The following MGRN1 variants were observed in gnomAD, a reference collection of about 807,000 sequenced individuals.
The protein encoded by MGRN1 is E3 ubiquitin-protein ligase MGRN1.
A neutral mutation model predicts 69.2 loss-of-function variants in MGRN1; 29 were observed. That is an observed-to-expected ratio of 0.42 (90% CI 0.31 to 0.57). MGRN1 has a LOEUF of 0.57. Ranked by LOEUF, MGRN1 falls within the 20% of genes least tolerant of loss-of-function variation. The pLI, the probability that MGRN1 is intolerant of heterozygous loss-of-function variation, is 0.15. For synonymous variants in MGRN1, 470 were observed against 344.2 expected (o/e 1.37, Z -4.04); for missense variants, 998 against 796.2 (o/e 1.25, Z -3.05).
rs150424001 is a variant in MGRN1, at chr16:4,690,227, T to G, written c.*1319T>G. On this transcript the variant is annotated 3_prime_UTR_variant, in exon 17 of 17. Coordinates refer to ENST00000262370, the MANE Select transcript of MGRN1 (RefSeq NM_015246.4). ...GTTTTTTTTGTTTGTTTGTTTGTTT[T>G]TTTAAAGGTAAACCTCCTGGGCCGC... 1.7e-3 allele frequency: 255 copies of G among 152,370 alleles called. 3 individuals carry two copies. The highest frequency in any genetic ancestry group is 5.5e-3 in the African/African-American group (228 of 41,536). 9.4% of individuals were successfully genotyped at this position (152,370 alleles called of 1,614,324 possible).
intron 11 of MGRN1, 149 bp from the exon 12 acceptor site, chr16:4,679,883 T>G: frequency 1.3e-6 from 1 of 744,914 alleles, no homozygotes; most frequent in Non-Finnish European, 2.2e-6. Flanking sequence ...CAACCCTCAC[T>G]TAGGACAGTC....
In MGRN1 at chr16:4,673,734, G is replaced by C. The variant is rs1051850360; in HGVS notation, c.955+77G>C. 3 of 1,525,746 alleles carry C rather than the reference G, an allele frequency of 2.0e-6. No homozygotes were observed. In the African/African-American group the frequency reaches 4.1e-5, roughly 21 times the overall value. 94.5% of individuals were successfully genotyped at this position (1,525,746 alleles called of 1,614,324 possible). On this transcript the variant is annotated intron_variant, in intron 10 of 16. Transcript: ENST00000262370. ...GCCACACCACGGTGGTCCTGGGATA[G>C]GGGGCCACAGGTCCGTTGATGGCTA...
chr16:4,671,700 G>A (rs973626844), intron 9 of MGRN1, among the ~76,000 whole-genome samples: 5 of 152,192 alleles, frequency 3.3e-5, no homozygotes, highest in African/African-American at 1.2e-4. Flanking sequence ...GGGCAGCCCA[G>A]GAATGGGGGC....
At chr16:4,656,146 A>G (rs1250601145) in intron 4 of MGRN1, among the ~76,000 whole-genome samples, 1 of 152,198 alleles carries the variant, frequency 6.6e-6, no homozygotes, top group East Asian at 1.9e-4. Context: ...TGGATTGTGA[A>G]TTGGGTTCCT....
chr16:4,658,231 G>T (rs947445091), intron 5 of MGRN1, among the ~76,000 whole-genome samples: 2 of 151,794 alleles, frequency 1.3e-5, no homozygotes, highest in African/African-American at 4.8e-5. Flanking sequence ...GGGGGTTCCT[G>T]TGTAACAGTA....
At position 4,657,593 on chromosome 16, in the gene MGRN1, G is replaced by A. The variant is rs186594712; in HGVS notation, c.561+230G>A. Among the ~76,000 whole-genome samples the A allele has an allele frequency of 5.6e-3, 851 of 152,316 alleles. 3 individuals are homozygous for A. The highest frequency in any genetic ancestry group is 0.014 in the Middle Eastern group (4 of 294). On this transcript the variant is annotated intron_variant, in intron 5 of 16. Coordinates refer to ENST00000262370, the MANE Select transcript of MGRN1 (RefSeq NM_015246.4). ...AGAGGCCGACCAGGCAGCCGCACTC[G>A]GAGGCTCAGACACTGGGGTTTGGGG...
At chr16:4,666,714 G>A (rs1247004597) in intron 7 of MGRN1, among the ~76,000 whole-genome samples, 2 of 152,154 alleles carry the variant, frequency 1.3e-5, no homozygotes, top group African/African-American at 4.8e-5. Context: ...ACCTGCCTGC[G>A]GCACTCTGAC....
intron 7 of MGRN1, among the ~76,000 whole-genome samples, chr16:4,666,253 C>T (rs57085123): frequency 0.38 from 57,426 of 152,016 alleles, 12,564 homozygotes; most frequent in East Asian, 0.64. Context: ...TTCAGCCTCC[C>T]GAGTAGCTGG....
chr16:4,663,619 C>T (rs375427662), intron 5 of MGRN1, among the ~76,000 whole-genome samples: 14 of 152,288 alleles, frequency 9.2e-5, no homozygotes, highest in African/African-American at 3.4e-4. Context: ...GAGGCAGGGT[C>T]CCTGCCCTCT....
At chr16:4,683,796 G>A (rs1046559360) in intron 15 of MGRN1, 47 bp from the exon 16 acceptor site, 5 of 1,566,268 alleles carry the variant, frequency 3.2e-6, no homozygotes, top group Admixed American at 1.7e-5. Context: ...GACCTGCCGG[G>A]ACCTGGCCCC....
At chr16:4,657,571 G>A (rs1286727042) in intron 5 of MGRN1, among the ~76,000 whole-genome samples, 1 of 152,192 alleles carries the variant, frequency 6.6e-6, no homozygotes, top group Non-Finnish European at 1.5e-5. Flanking sequence ...GGGGACCAGA[G>A]GCCGACCAGG....
chr16:4,633,283 G>A (rs1898101363), intron 1 of MGRN1, among the ~76,000 whole-genome samples: 1 of 152,040 alleles, frequency 6.6e-6, no homozygotes, highest in South Asian at 2.1e-4. Context: ...CAGCTACTCA[G>A]GAGGCTGAGG....
chr16:4,673,552 G>T lies in MGRN1; in HGVS notation c.850G>T (p.Asp284Tyr). 2 of 1,613,742 alleles carry T rather than the reference G, an allele frequency of 1.2e-6. No individual in the cohort carries two copies. Among genetic ancestry groups the T allele is most frequent in the South Asian group, 1.1e-5 (1 of 91,078 alleles). Reference protein sequence around the residue: ...NSNECVVCLSDLRDTLILPCR... With the variant: ...NSNECVVCLSYLRDTLILPCR... ...CAACGAGTGTGTGGTGTGCCTGTCC[G>T]ACCTGCGGGACACGCTGATCCTGCC... Residue 284 changes from aspartate (D) to tyrosine (Y), a missense_variant, in exon 10 of 17, where the codon GAC becomes TAC. Transcript: ENST00000262370.
Position 4,655,574 on chromosome 16 carries a change from C to T in MGRN1, c.444-1672C>T, listed in dbSNP as rs184952932. Among the ~76,000 whole-genome samples, 1,074 of 152,128 alleles carry T rather than the reference C, an allele frequency of 7.1e-3. 5 individuals are homozygous for T. The highest frequency in any genetic ancestry group is 0.01 in the Non-Finnish European group (705 of 67,964). On this transcript the variant is annotated intron_variant, in intron 4 of 16. Coordinates refer to ENST00000262370, the MANE Select transcript of MGRN1 (RefSeq NM_015246.4). ...GCAGGAACAGCTCCAGTGCCACTGT[C>T]CCCCTCTCTCAGGACCTGGTACGAG... is the stretch of plus-strand genomic sequence containing the variant.
chr16:4,674,578 CTT>C (rs113342903), intron 10 of MGRN1, among the ~76,000 whole-genome samples: 1 of 119,018 alleles, frequency 8.4e-6, no homozygotes, highest in African/African-American at 3.3e-5. Context: ...TGAGCCACCG[CTT>C]TTTTTTTTTT....
At chr16:4,634,196 T>C (rs1477910667) in intron 1 of MGRN1, 3 of 152,290 alleles carry the variant, frequency 2.0e-5, no homozygotes, top group African/African-American at 7.2e-5. Flanking sequence ...GGCTGAGCCC[T>C]GGGGGTCACC....
intron 1 of MGRN1, among the ~76,000 whole-genome samples, chr16:4,625,708 G>C (rs931344386): frequency 2.6e-5 from 4 of 152,236 alleles, no homozygotes; most frequent in African/African-American, 9.6e-5. Context: ...AGCATAGTTG[G>C]GACCGGGACC....
chr16:4,687,766 G>A, intron 16 of MGRN1: 14 of 985,458 alleles, frequency 1.4e-5, no homozygotes, highest in Non-Finnish European at 1.7e-5. Flanking sequence ...GGCCGGGGGT[G>A]CAGGCTCTAA....
chr16:4,644,823 G>T (rs2078240869), intron 1 of MGRN1, among the ~76,000 whole-genome samples: 1 of 152,062 alleles, frequency 6.6e-6, no homozygotes, highest in Admixed American at 6.5e-5. Context: ...CCTTTTTAAA[G>T]TGTACAAGTC....
Sources: gnomAD v4.1 joint callset for allele counts (sites outside exome capture counted in the v4.1 genomes callset) on GRCh38, gnomAD v4.1.1 for gene constraint, MANE v1.5 for transcripts, NCBI Gene and HGNC (gene_info 2026-07-23, HGNC 2026-07-21) for gene names.